Variants in PAX5 observed in about 807,000 individuals in gnomAD.
The protein encoded by PAX5 is paired box 5.
PAX5 carries 9 observed loss-of-function variants against 43.7 expected under a neutral mutation model. That is an observed-to-expected ratio of 0.21 (90% CI 0.12 to 0.36). The LOEUF is 0.36. Among genes scored for constraint, PAX5 ranks in the 10% least tolerant of loss-of-function variants. The pLI is 1.00. For synonymous variants in PAX5, 228 were observed against 214.3 expected, an observed-to-expected ratio of 1.06 and a Z score of -0.56; for missense variants, 383 against 532.7, an observed-to-expected ratio of 0.72 and a Z score of 2.77.
At chr9:36,859,059 C>T (rs1033682661) in intron 8 of PAX5, among the ~76,000 whole-genome samples, 1 of 152,158 alleles carries the variant, frequency 6.6e-6, no homozygotes, top group Admixed American at 6.5e-5. Context: ...CAATTACTAC[C>T]AGGACGCTCG....
intron 7 of PAX5, among the ~76,000 whole-genome samples, chr9:36,915,337 TG>T (rs1377057791): frequency 6.6e-6 from 1 of 152,236 alleles, no homozygotes; most frequent in African/African-American, 2.4e-5. Context: ...TAACAGTGTG[TG>T]AAAAGATAAG....
intron 7 of PAX5, among the ~76,000 whole-genome samples, chr9:36,906,301 C>A (rs977422966): frequency 1.3e-5 from 2 of 151,788 alleles, no homozygotes; most frequent in Admixed American, 6.6e-5. Context: ...CCCAATGTAA[C>A]CACAAGAGAT....
chr9:37,026,622 G>T, intron 1 of PAX5: 1 of 1,351,742 alleles, frequency 7.4e-7, no homozygotes, highest in Non-Finnish European at 9.7e-7. Flanking sequence ...GCCTCCCGGC[G>T]CCAAGGGGCT....
chr9:37,033,794 ACT>A (rs987958507), intron 1 of PAX5, among the ~76,000 whole-genome samples, 190 bp downstream of exon 1: 28 of 152,146 alleles, frequency 1.8e-4, no homozygotes, highest in Non-Finnish European at 2.6e-4. Context: ...ACACAGACAA[ACT>A]CACAGATATT....
chr9:36,876,846 G>A (rs1448169869), intron 8 of PAX5, among the ~76,000 whole-genome samples: 1 of 152,198 alleles, frequency 6.6e-6, no homozygotes, highest in African/African-American at 2.4e-5. Context: ...GGAGCCGGAA[G>A]GAGCAGACAA....
chr9:36,939,765 CA>C (rs1044200133), intron 6 of PAX5, among the ~76,000 whole-genome samples: 28 of 148,652 alleles, frequency 1.9e-4, no homozygotes, highest in Non-Finnish European at 2.5e-4. Flanking sequence ...ACAGCTGTGT[CA>C]AAAAAAAAGA....
chr9:36,851,879 C>T (rs957241099), intron 8 of PAX5, among the ~76,000 whole-genome samples: 2 of 152,178 alleles, frequency 1.3e-5, no homozygotes, highest in African/African-American at 4.8e-5. Flanking sequence ...CAGGCCACAC[C>T]CAAGGTGTGC....
At chr9:36,955,774 A>ATATATAT (rs1203314592) in intron 6 of PAX5, among the ~76,000 whole-genome samples, 1 of 55,126 alleles carries the variant, frequency 1.8e-5, no homozygotes, top group African/African-American at 4.5e-5. Context: ...TTGTTTCAAA[A>ATATATAT]AAAAAAAAAT....
At chr9:36,841,042 T>C (rs956676790) in intron 9 of PAX5, among the ~76,000 whole-genome samples, 1 of 152,240 alleles carries the variant, frequency 6.6e-6, no homozygotes, top group African/African-American at 2.4e-5. Context: ...TCTGGCTCTT[T>C]ATAGAAATCA....
At chr9:37,005,325 G>A (rs1838299754) in intron 4 of PAX5, among the ~76,000 whole-genome samples, 1 of 152,316 alleles carries the variant, frequency 6.6e-6, no homozygotes, top group Non-Finnish European at 1.5e-5. Context: ...TATAGGCTTG[G>A]CCTCTGATGC....
At chr9:36,968,528 C>A (rs1378316992) in intron 5 of PAX5, among the ~76,000 whole-genome samples, 1 of 152,144 alleles carries the variant, frequency 6.6e-6, no homozygotes, top group Non-Finnish European at 1.5e-5. Context: ...AGCTCATGAG[C>A]CCTCTGAGAA....
intron 7 of PAX5, among the ~76,000 whole-genome samples, chr9:36,919,863 A>G (rs971499302): frequency 3.3e-5 from 5 of 150,108 alleles, no homozygotes; most frequent in African/African-American, 1.2e-4. Flanking sequence ...AAAAAAAAAA[A>G]AAAAGAATAT....
At chr9:36,973,689 A>C (rs1835171194) in intron 5 of PAX5, among the ~76,000 whole-genome samples, 1 of 152,092 alleles carries the variant, frequency 6.6e-6, no homozygotes, top group South Asian at 2.1e-4. Context: ...CAACATGGCG[A>C]GACCCCCATC....
rs578109158 is a variant in PAX5 at position 37,033,589 on chromosome 9, A to G, written c.46+397T>C. 1.0e-3 allele frequency among the ~76,000 whole-genome samples: 112 copies of G among 110,544 alleles called. 1 individual carries two copies. Among genetic ancestry groups the G allele is most frequent in the African/African-American group, 3.6e-3 (107 of 29,610 alleles). The allele number at this position is 110,544 out of a possible 152,430, so 72.5% of individuals were successfully genotyped here. ...TATAAACACACACGAATACCCCACG[A>G]GTATAAAGATACACACACACACACA... On this transcript the variant is annotated intron_variant, in intron 1 of 9. Coordinates refer to ENST00000358127, the MANE Select transcript of PAX5 (RefSeq NM_016734.3).
intron 6 of PAX5, among the ~76,000 whole-genome samples, chr9:36,964,700 G>A (rs1027697511): frequency 6.6e-5 from 10 of 151,924 alleles, no homozygotes; most frequent in African/African-American, 2.4e-4. Context: ...CTCTCCTCCC[G>A]TGTCAGAGAA....
In PAX5 at chr9:36,996,975, G is replaced by C. The variant is rs570917383; in HGVS notation, c.604+5673C>G. ...AGAGCTAGACCGGGAGACAGAAACA[G>C]ACACAGAGGAAGGTTCAATAAACAG... On this transcript the variant is annotated intron_variant, in intron 5 of 9. Transcript: ENST00000358127. 1.2e-4 allele frequency among the ~76,000 whole-genome samples: 19 copies of C among 152,312 alleles called. No individual in the cohort carries two copies. In the East Asian group the frequency reaches 3.3e-3, roughly 26 times the overall value.
intron 3 of PAX5, among the ~76,000 whole-genome samples, chr9:37,009,423 C>T (rs1408677003): frequency 6.6e-6 from 1 of 152,220 alleles, no homozygotes; most frequent in Non-Finnish European, 1.5e-5. Context: ...GTGGTAGCTA[C>T]ATACTAGGTG....
intron 8 of PAX5, among the ~76,000 whole-genome samples, chr9:36,855,642 C>G (rs1185667262): frequency 6.6e-6 from 1 of 152,226 alleles, no homozygotes; most frequent in South Asian, 2.1e-4. Context: ...CCCCAGACGC[C>G]GCCTGGTGGC....
chr9:36,941,558 C>T (rs574244053), intron 6 of PAX5, among the ~76,000 whole-genome samples: 138 of 152,214 alleles, frequency 9.1e-4, no homozygotes, highest in African/African-American at 3.2e-3. Context: ...TAGGAAAGAA[C>T]GGAAAACAGA....
Sources: gnomAD v4.1 joint callset for allele counts (sites outside exome capture counted in the v4.1 genomes callset) on GRCh38, gnomAD v4.1.1 for gene constraint, MANE v1.5 for transcripts, NCBI Gene and HGNC (gene_info 2026-07-23, HGNC 2026-07-21) for gene names.